The following KLHL2 variants were observed in gnomAD, a reference collection of about 807,000 sequenced individuals.
KLHL2 encodes kelch like family member 2.
Under a neutral mutation model 75.8 loss-of-function variants are expected in KLHL2, and 15 were observed. The ratio of observed to expected loss-of-function variants is 0.20; its 90% CI spans 0.13 to 0.30. KLHL2 has a LOEUF of 0.30. KLHL2 is among the 10% of genes least tolerant of loss of function. KLHL2 has a pLI of 1.00. For missense variants in KLHL2, 381 were observed against 741.0 expected (o/e 0.51, Z 5.64); for synonymous variants, 214 against 251.9 (o/e 0.85, Z 1.42).
intron 14 of KLHL2, among the ~76,000 whole-genome samples, chr4:165,318,944 C>G (rs1746776696): frequency 6.6e-6 from 1 of 152,128 alleles, no homozygotes. Flanking sequence ...ATCTACAAAT[C>G]TGTTACAAAA....
chr4:165,278,886 A>C, intron 5 of KLHL2: 2 of 1,447,126 alleles, frequency 1.4e-6, no homozygotes, highest in Non-Finnish European at 1.9e-6. Flanking sequence ...AAACACCCAG[A>C]TATTGGCACA....
At chr4:165,269,833 T>G (rs1264992060) in intron 5 of KLHL2, among the ~76,000 whole-genome samples, 1 of 152,032 alleles carries the variant, frequency 6.6e-6, no homozygotes, top group African/African-American at 2.4e-5. Context: ...CTTTGTGGTG[T>G]TCTCTATATT....
Position 165,280,000 on chromosome 4 carries a change from T to C in KLHL2, c.545-14359T>C, listed in dbSNP as rs563184319. ...ACCCATTCATCACCTTAGACTGCAG[T>C]TCCAGGGTCTGTTGGACCTTTCTGG... On this transcript the variant is annotated intron_variant, in intron 5 of 14. Coordinates refer to ENST00000226725, the MANE Select transcript of KLHL2 (RefSeq NM_007246.4). 1.3e-4 allele frequency among the ~76,000 whole-genome samples: 20 copies of C among 152,278 alleles called. No homozygotes were observed. The East Asian group carries it at 3.7e-3, about 28-fold the overall frequency.
chr4:165,225,825 C>T (rs750263933), intron 2 of KLHL2, among the ~76,000 whole-genome samples: 4 of 152,166 alleles, frequency 2.6e-5, no homozygotes, highest in Non-Finnish European at 5.9e-5. Context: ...AATACTAAAA[C>T]TAAACATGTC....
At chr4:165,276,568 T>C (rs1178427036) in intron 5 of KLHL2, among the ~76,000 whole-genome samples, 4 of 152,178 alleles carry the variant, frequency 2.6e-5, no homozygotes, top group Non-Finnish European at 4.4e-5. Context: ...TTTTTAAAGA[T>C]TGACGTTAAG....
chr4:165,294,330 A>T, intron 5 of KLHL2, 29 bp from the exon 6 acceptor site: 1 of 1,206,846 alleles, frequency 8.3e-7, no homozygotes, highest in Non-Finnish European at 1.2e-6. Context: ...TGTTGATGTT[A>T]GTGGATTTTC....
At chr4:165,249,298 A>C (rs1740496488) in intron 4 of KLHL2, among the ~76,000 whole-genome samples, 1 of 152,236 alleles carries the variant, frequency 6.6e-6, no homozygotes, top group Non-Finnish European at 1.5e-5. Context: ...TCAGAACACT[A>C]ATACATAAAC....
At position 165,304,313 on chromosome 4, in the gene KLHL2, G is replaced by T. The variant is rs548951608; in HGVS notation, c.922-1295G>T. 2.5e-3 allele frequency among the ~76,000 whole-genome samples: 387 copies of T among 152,232 alleles called. 4 individuals carry two copies. Among genetic ancestry groups the T allele is most frequent in the African/African-American group, 8.4e-3 (348 of 41,546 alleles). ...GCTTCTTTTTGGAAATTTGGGATTTGCTCTCTGATTCAGGAATCATTTTTT... is the reference window on the plus strand; with the variant it reads ...GCTTCTTTTTGGAAATTTGGGATTTTCTCTCTGATTCAGGAATCATTTTTT... On this transcript the variant is annotated intron_variant, in intron 8 of 14. Transcript: ENST00000226725.
chr4:165,238,834 A>C lies in KLHL2; in HGVS notation c.316A>C (p.Thr106Pro). 1 of 1,614,126 alleles carries C rather than the reference A, an allele frequency of 6.2e-7. No individual in the cohort carries two copies. The highest frequency in any genetic ancestry group is 8.5e-7 in the Non-Finnish European group (1 of 1,180,032). The part of the protein sequence containing the change: ...RVRIKEVDGW[T>P]LRMLIDYVYT... ...TAGAATAAAAGAGGTAGATGGCTGG[A>C]CCCTGAGGATGCTAATTGATTATGT... Residue 106 changes from threonine (T) to proline (P), a missense_variant, in exon 4 of 15, where the codon ACC becomes CCC. Around this residue, in one of 5 missense-constraint regions of KLHL2, gnomAD observed 51 missense variants for 101.3 expected, o/e 0.50. Transcript: ENST00000226725.
chr4:165,296,433 T>C (rs945661728), intron 6 of KLHL2, among the ~76,000 whole-genome samples: 15 of 152,352 alleles, frequency 9.8e-5, no homozygotes, highest in South Asian at 8.3e-4. Flanking sequence ...GTAGTGAGGC[T>C]GCTTAAGACC....
intron 4 of KLHL2, among the ~76,000 whole-genome samples, chr4:165,262,968 C>A (rs1233618213): frequency 6.6e-6 from 1 of 152,022 alleles, no homozygotes. Flanking sequence ...ATCTCATATT[C>A]TTCTGACCAA....
chr4:165,321,973 C>T, intron 14 of KLHL2, 59 bp from the exon 15 acceptor site: 1 of 1,489,576 alleles, frequency 6.7e-7, no homozygotes, highest in East Asian at 2.3e-5. Context: ...TGAGTGTTTT[C>T]TCAGAGATAC....
At chr4:165,307,310 A>C (rs1319298093) in intron 9 of KLHL2, among the ~76,000 whole-genome samples, 1 of 152,210 alleles carries the variant, frequency 6.6e-6, no homozygotes, top group Admixed American at 6.5e-5. Context: ...TCCGTCTCAA[A>C]AAACAAACAA....
chr4:165,264,974 C>T (rs528708705), intron 5 of KLHL2, among the ~76,000 whole-genome samples: 2 of 151,442 alleles, frequency 1.3e-5, no homozygotes, highest in Admixed American at 6.6e-5. Flanking sequence ...AGAGGTTGTA[C>T]GAATTTACAT....
chr4:165,320,380 G>C (rs1039228814), intron 14 of KLHL2, among the ~76,000 whole-genome samples: 2 of 152,172 alleles, frequency 1.3e-5, no homozygotes, highest in African/African-American at 4.8e-5. Context: ...TCCCGGACTG[G>C]TTCCATCTAT....
intron 6 of KLHL2, among the ~76,000 whole-genome samples, chr4:165,297,377 A>T (rs1295883306): frequency 6.6e-6 from 1 of 152,060 alleles, no homozygotes. Context: ...TCATTCCAGA[A>T]TATCACTTTG....
intron 4 of KLHL2, among the ~76,000 whole-genome samples, chr4:165,245,411 A>G (rs1024846387): frequency 2.6e-5 from 4 of 152,118 alleles, no homozygotes; most frequent in African/African-American, 9.7e-5. Flanking sequence ...GTGAACACTC[A>G]AGCCTATAGC....
intron 4 of KLHL2, among the ~76,000 whole-genome samples, chr4:165,240,844 T>G (rs911571388): frequency 1.3e-5 from 2 of 152,198 alleles, no homozygotes; most frequent in African/African-American, 4.8e-5. Context: ...GACTAAACTG[T>G]GTGAATTCAG....
intron 5 of KLHL2, among the ~76,000 whole-genome samples, chr4:165,275,051 G>A (rs927790729): frequency 7.9e-5 from 12 of 152,188 alleles, no homozygotes; most frequent in Admixed American, 7.2e-4. Context: ...TATGTGCTGA[G>A]GCATGGTGTT....
Sources: gnomAD v4.1 joint callset for allele counts (sites outside exome capture counted in the v4.1 genomes callset) on GRCh38, gnomAD v4.1.1 for gene constraint, gnomAD v4.1.1 regional missense constraint, MANE v1.5 for transcripts, NCBI Gene and HGNC (gene_info 2026-07-23, HGNC 2026-07-21) for gene names.